The following GAS7 variants were observed in gnomAD, a reference collection of about 807,000 sequenced individuals.
The protein encoded by GAS7 is growth arrest specific 7.
GAS7 carries 28 observed loss-of-function variants against 71.1 expected under a neutral mutation model. That is an observed-to-expected ratio of 0.39 (90% CI 0.29 to 0.54). The LOEUF (loss-of-function observed/expected upper bound fraction) is 0.54, where lower values mean the gene tolerates loss of function less well. GAS7 is among the 20% of genes least tolerant of loss of function. GAS7 has a pLI of 0.62. For missense variants in GAS7, 436 were observed against 627.8 expected (o/e 0.69, Z 3.27); for synonymous variants, 258 against 245.8 (o/e 1.05, Z -0.46).
At position 9,915,638 on chromosome 17, in the gene GAS7, T is replaced by C. The variant is rs150163987; in HGVS notation, c.*1590A>G. 1 of 228,462 alleles carries C rather than the reference T, an allele frequency of 4.4e-6. No individual in the cohort carries two copies. The highest frequency in any genetic ancestry group is 8.7e-6 in the Non-Finnish European group (1 of 115,172). 14.2% of individuals were successfully genotyped at this position (228,462 alleles called of 1,614,324 possible). A position where few individuals can be genotyped will look rare whatever the true frequency, so the allele number is the denominator to read the frequency against. On this transcript the variant is annotated 3_prime_UTR_variant, in exon 14 of 14. Transcript: ENST00000432992. ...GAAAGAGGCGCCAAAAAATTAGAGA[T>C]TAATAAGTCATCGGTTTCTAGCACG...
chr17:10,097,514 A>C (rs987870689), intron 1 of GAS7, among the ~76,000 whole-genome samples: 3 of 152,224 alleles, frequency 2.0e-5, no homozygotes, highest in African/African-American at 7.2e-5. Flanking sequence ...CACACAAATC[A>C]GGTGAAGCAG....
intron 1 of GAS7, among the ~76,000 whole-genome samples, chr17:10,136,531 T>A (rs750383990): frequency 6.6e-6 from 1 of 152,156 alleles, no homozygotes; most frequent in South Asian, 2.1e-4. Context: ...AGATCTTCAA[T>A]GCACTGCAAA....
intron 9 of GAS7, among the ~76,000 whole-genome samples, chr17:9,933,624 C>T (rs907391905): frequency 2.0e-5 from 3 of 152,112 alleles, no homozygotes; most frequent in Non-Finnish European, 2.9e-5. Context: ...AGGAAGACTG[C>T]TTGAAGCCAG....
intron 4 of GAS7, among the ~76,000 whole-genome samples, chr17:9,968,905 T>C (rs1320201923): frequency 1.3e-5 from 2 of 152,242 alleles, no homozygotes; most frequent in Non-Finnish European, 2.9e-5. Flanking sequence ...TTTTAATTCC[T>C]GGAAAAGGCT....
chr17:10,196,357 G>A (rs1181396627), intron 1 of GAS7, among the ~76,000 whole-genome samples: 1 of 152,192 alleles, frequency 6.6e-6, no homozygotes, highest in East Asian at 1.9e-4. Context: ...GAGCTGTCAG[G>A]GAACTGGTGA....
intron 8 of GAS7, 104 bp downstream of exon 8, chr17:9,940,022 C>G (rs2068544727): frequency 1.3e-6 from 1 of 793,706 alleles, no homozygotes. Flanking sequence ...TGGAGAGCTC[C>G]CCATCCAAAG....
rs9907517 is a variant in GAS7 at position 10,091,744 on chromosome 17, C to T, written c.184-71847G>A. On this transcript the variant is annotated intron_variant, in intron 1 of 13. Coordinates refer to ENST00000432992, the MANE Select transcript of GAS7 (RefSeq NM_201433.2). ...TCACCCAGGCTGGAGTGCAGTGACA[C>T]CATCTCGGCTCACTGCAGCCGCGAC... 3.0e-3 allele frequency among the ~76,000 whole-genome samples: 458 copies of T among 152,184 alleles called. 2 individuals are homozygous for T. The highest frequency in any genetic ancestry group is 0.011 in the African/African-American group (437 of 41,546).
chr17:10,028,449 G>A (rs906500713), intron 1 of GAS7, among the ~76,000 whole-genome samples: 2 of 152,158 alleles, frequency 1.3e-5, no homozygotes, highest in African/African-American at 4.8e-5. Context: ...GGGGAAGGGG[G>A]AGGCAAGATA....
intron 1 of GAS7, among the ~76,000 whole-genome samples, chr17:10,133,572 T>C (rs1372048547): frequency 6.6e-6 from 1 of 152,186 alleles, no homozygotes; most frequent in Non-Finnish European, 1.5e-5. Context: ...ACAATTAAAA[T>C]CCACTCTTTT....
chr17:10,183,567 C>T (rs1051130151), intron 1 of GAS7, among the ~76,000 whole-genome samples: 2 of 152,150 alleles, frequency 1.3e-5, no homozygotes, highest in East Asian at 3.9e-4. Context: ...TGGCTGGGCG[C>T]GGTGGCTCAC....
At chr17:10,148,450 A>G (rs2074137806) in intron 1 of GAS7, among the ~76,000 whole-genome samples, 2 of 119,158 alleles carry the variant, frequency 1.7e-5, no homozygotes, top group Admixed American at 1.7e-4. Context: ...CTCTACTAAA[A>G]TTACAAAAAA....
chr17:9,918,457 G>A (rs1455880955), intron 12 of GAS7, among the ~76,000 whole-genome samples: 1 of 152,234 alleles, frequency 6.6e-6, no homozygotes, highest in Non-Finnish European at 1.5e-5. Flanking sequence ...CTCACCCAAA[G>A]CGACACGGAA....
At chr17:9,927,292 C>CACAT (rs1567781737) in intron 9 of GAS7, among the ~76,000 whole-genome samples, 1 of 112,994 alleles carries the variant, frequency 8.9e-6, no homozygotes, top group Non-Finnish European at 1.7e-5. Flanking sequence ...CTACTACATA[C>CACAT]ACACACACAC....
intron 1 of GAS7, among the ~76,000 whole-genome samples, chr17:10,192,446 C>A (rs1442718023): frequency 3.3e-5 from 5 of 152,142 alleles, no homozygotes; most frequent in Admixed American, 2.0e-4. Flanking sequence ...CTTTCACCAG[C>A]GAAGTGAGGA....
At chr17:10,192,632 A>G (rs531885352) in intron 1 of GAS7, among the ~76,000 whole-genome samples, 1 of 152,288 alleles carries the variant, frequency 6.6e-6, no homozygotes, top group East Asian at 1.9e-4. Context: ...ACTTGTTGCT[A>G]AGGGAACTTT....
intron 1 of GAS7, among the ~76,000 whole-genome samples, chr17:10,041,756 A>G (rs1431408018): frequency 1.3e-5 from 2 of 152,036 alleles, no homozygotes; most frequent in African/African-American, 4.8e-5. Context: ...TGGCCTCTGC[A>G]AATAGATAGG....
At position 10,046,785 on chromosome 17, in the gene GAS7, AAAGGAAGGAAGGAAGGAAGGAAGG is replaced by A. The variant is rs57271954; in HGVS notation, c.184-26912_184-26889del. Among the ~76,000 whole-genome samples, 371 of 68,784 alleles carry A rather than the reference AAAGGAAGGAAGGAAGGAAGGAAGG, an allele frequency of 5.4e-3. 6 individuals are homozygous for A. The highest frequency in any genetic ancestry group is 8.1e-3 in the East Asian group (19 of 2,344). The allele number at this position is 68,784 out of a possible 152,430, so 45.1% of individuals were successfully genotyped here. On this transcript the variant is annotated intron_variant, in intron 1 of 13. Transcript: ENST00000432992. ...AAAGAAAGAAGAGAAAGAAAGAAAG[AAAGGAAGGAAGGAAGGAAGGAAGG>A]AAGGAAGGAAGGAAGGAAGGAAGGA...
At chr17:10,101,703 C>T (rs1312092618) in intron 1 of GAS7, among the ~76,000 whole-genome samples, 2 of 152,238 alleles carry the variant, frequency 1.3e-5, no homozygotes, top group East Asian at 3.8e-4. Context: ...GACTTTACCA[C>T]AACTCCTTGT....
chr17:10,097,588 G>A (rs576836282), intron 1 of GAS7, among the ~76,000 whole-genome samples: 3 of 152,196 alleles, frequency 2.0e-5, no homozygotes, highest in Admixed American at 6.5e-5. Flanking sequence ...CTTCCAGGCT[G>A]CTGAGTTTTT....
Sources: allele counts gnomAD v4.1 joint callset (sites outside exome capture counted in the v4.1 genomes callset), GRCh38; gene constraint gnomAD v4.1.1; transcripts MANE v1.5; gene names NCBI Gene and HGNC (gene_info 2026-07-23, HGNC 2026-07-21).